SGCZ: variants seen among roughly 807,000 people sequenced by gnomAD.
SGCZ encodes the protein zeta-sarcoglycan.
A neutral mutation model predicts 41.3 loss-of-function variants in SGCZ; 40 were observed. The observed-to-expected ratio is 0.97, with a 90% CI of 0.75 to 1.26. SGCZ has a LOEUF of 1.26. Ranked by LOEUF, SGCZ falls within the 50% of genes most tolerant of loss-of-function variation. The probability of loss-of-function intolerance (pLI) is 0.00; values close to 1 mark genes in which losing one functional copy is unlikely to be tolerated. For missense variants in SGCZ, 552 were observed against 369.8 expected (o/e 1.49, Z -4.04); for synonymous variants, 206 against 137.5 (o/e 1.50, Z -3.49).
At chr8:14,955,441 T>A (rs190225280) in intron 1 of SGCZ, among the ~76,000 whole-genome samples, 3 of 152,338 alleles carry the variant, frequency 2.0e-5, no homozygotes, top group Admixed American at 6.5e-5. Context: ...TTTTCACATG[T>A]GAAGTTCCTC....
intron 2 of SGCZ, among the ~76,000 whole-genome samples, chr8:14,414,507 G>T (rs191806509): frequency 2.8e-4 from 43 of 151,840 alleles, no homozygotes; most frequent in Admixed American, 9.9e-4. Flanking sequence ...GATAAATTTA[G>T]GCAAATTAAA....
At chr8:15,139,675 T>C (rs558341194) in intron 1 of SGCZ, among the ~76,000 whole-genome samples, 2 of 152,278 alleles carry the variant, frequency 1.3e-5, no homozygotes, top group African/African-American at 2.4e-5. Context: ...TACCATAAAA[T>C]ATTTTAACTA....
chr8:14,945,768 T>C (rs1800423223), intron 1 of SGCZ, among the ~76,000 whole-genome samples: 1 of 151,454 alleles, frequency 6.6e-6, no homozygotes, highest in Non-Finnish European at 1.5e-5. Flanking sequence ...TCTTCTGCCC[T>C]AGAACATCAG....
intron 1 of SGCZ, among the ~76,000 whole-genome samples, chr8:14,958,627 T>G (rs1249672055): frequency 6.6e-6 from 1 of 152,066 alleles, no homozygotes; most frequent in Non-Finnish European, 1.5e-5. Context: ...TACATCTCAA[T>G]AGGAGTTTGA....
chr8:14,624,842 A>G (rs920424162), intron 1 of SGCZ, among the ~76,000 whole-genome samples: 16 of 151,974 alleles, frequency 1.1e-4, no homozygotes, highest in Non-Finnish European at 1.9e-4. Context: ...AAGTGCTGGG[A>G]TTACAGGCAT....
chr8:14,406,915 C>A (rs1271951529), intron 2 of SGCZ, among the ~76,000 whole-genome samples: 2 of 152,158 alleles, frequency 1.3e-5, no homozygotes, highest in South Asian at 4.1e-4. Flanking sequence ...TACTTCAATA[C>A]AATTTGCTAT....
At chr8:14,240,540 T>G (rs1315535551) in intron 3 of SGCZ, among the ~76,000 whole-genome samples, 1 of 151,542 alleles carries the variant, frequency 6.6e-6, no homozygotes, top group African/African-American at 2.4e-5. Flanking sequence ...TTCACTGTGA[T>G]AGCACCAATA....
At chr8:14,883,658 C>T (rs1385078364) in intron 1 of SGCZ, among the ~76,000 whole-genome samples, 1 of 151,940 alleles carries the variant, frequency 6.6e-6, no homozygotes, top group African/African-American at 2.4e-5. Flanking sequence ...CCTTGTGTCT[C>T]CCAAAATCTT....
intron 3 of SGCZ, among the ~76,000 whole-genome samples, chr8:14,255,060 G>A (rs988485489): frequency 1.3e-5 from 2 of 152,074 alleles, no homozygotes; most frequent in Non-Finnish European, 2.9e-5. Context: ...TGTCCTCTAT[G>A]TATCTCAGTA....
At chr8:14,186,883 T>A (rs1390830262) in intron 4 of SGCZ, among the ~76,000 whole-genome samples, 1 of 152,192 alleles carries the variant, frequency 6.6e-6, no homozygotes, top group African/African-American at 2.4e-5. Context: ...AGTTAAGAGC[T>A]CTGAGTCAGA....
At chr8:14,602,160 T>A (rs1168064595) in intron 1 of SGCZ, among the ~76,000 whole-genome samples, 1 of 151,868 alleles carries the variant, frequency 6.6e-6, no homozygotes, top group Non-Finnish European at 1.5e-5. Flanking sequence ...TAAAAAAGTA[T>A]GATGTGGATA....
At chr8:14,515,114 C>G (rs1312175166) in intron 2 of SGCZ, among the ~76,000 whole-genome samples, 1 of 151,890 alleles carries the variant, frequency 6.6e-6, no homozygotes. Context: ...TGCTTACAGC[C>G]AGCTCTAGGT....
chr8:14,706,087 T>C (rs1245229200), intron 1 of SGCZ, among the ~76,000 whole-genome samples: 1 of 152,014 alleles, frequency 6.6e-6, no homozygotes, highest in Non-Finnish European at 1.5e-5. Flanking sequence ...GAACCCTATT[T>C]TTCCTCCAAA....
intron 1 of SGCZ, among the ~76,000 whole-genome samples, chr8:14,556,151 A>G (rs1288944603): frequency 4.0e-5 from 6 of 151,816 alleles, no homozygotes; most frequent in Non-Finnish European, 8.8e-5. Flanking sequence ...TAAGTGTACA[A>G]TTTTCAGAAT....
intron 5 of SGCZ, among the ~76,000 whole-genome samples, chr8:14,130,998 C>G (rs569799686): frequency 5.1e-4 from 78 of 152,266 alleles, no homozygotes; most frequent in African/African-American, 1.8e-3. Context: ...TCAGATACCA[C>G]CTCCTCAAAC....
chr8:14,298,823 G>C (rs2116965694), intron 3 of SGCZ, among the ~76,000 whole-genome samples: 1 of 152,128 alleles, frequency 6.6e-6, no homozygotes, highest in East Asian at 1.9e-4. Flanking sequence ...GTGTGGGTGT[G>C]TGTGATTCTG....
At chr8:14,459,214 C>A (rs1800832555) in intron 2 of SGCZ, among the ~76,000 whole-genome samples, 3 of 151,660 alleles carry the variant, frequency 2.0e-5, no homozygotes, top group African/African-American at 7.3e-5. Context: ...GGGAATTGAA[C>A]AATGAGAACA....
intron 1 of SGCZ, among the ~76,000 whole-genome samples, chr8:14,648,435 C>T (rs73664422): frequency 0.034 from 5,099 of 151,870 alleles, 284 homozygotes; most frequent in African/African-American, 0.12. Context: ...AACAAACAAA[C>T]CAAATATAAT....
intron 1 of SGCZ, among the ~76,000 whole-genome samples, chr8:14,694,923 G>A (rs192144807): frequency 1.3e-4 from 20 of 152,136 alleles, no homozygotes; most frequent in African/African-American, 4.1e-4. Context: ...AAAATGCAAT[G>A]TTTAATATAA....
Sources: gnomAD v4.1 joint callset for allele counts (sites outside exome capture counted in the v4.1 genomes callset) on GRCh38, gnomAD v4.1.1 for gene constraint, MANE v1.5 for transcripts, NCBI Gene and HGNC (gene_info 2026-07-23, HGNC 2026-07-21) for gene names.